The following DNAH7 variants were observed in gnomAD, a reference collection of about 807,000 sequenced individuals.
The protein encoded by DNAH7 is dynein axonemal heavy chain 7, also known as axonemal beta dynein heavy chain 7.
A neutral mutation model predicts 444.6 loss-of-function variants in DNAH7; 397 were observed. The observed-to-expected ratio is 0.89, with a 90% CI of 0.82 to 0.97. The LOEUF (loss-of-function observed/expected upper bound fraction) is 0.97. Among genes scored for constraint, DNAH7 ranks in the 50% least tolerant of loss-of-function variants. The probability of loss-of-function intolerance (pLI) is 0.00; values close to 1 mark genes in which losing one functional copy is unlikely to be tolerated. For missense variants in DNAH7, 4,902 were observed against 4,800.8 expected (o/e 1.02, Z -0.62); for synonymous variants, 1,636 against 1,624.4 (o/e 1.01, Z -0.17).
intron 12 of DNAH7, among the ~76,000 whole-genome samples, chr2:195,998,380 C>G (rs1001682677): frequency 6.6e-6 from 1 of 152,072 alleles, no homozygotes; most frequent in Non-Finnish European, 1.5e-5. Flanking sequence ...TCGAGACCAT[C>G]TTGGCTAAGA....
intron 5 of DNAH7, among the ~76,000 whole-genome samples, chr2:196,039,090 A>C (rs895804637): frequency 4.6e-5 from 7 of 152,206 alleles, no homozygotes; most frequent in Non-Finnish European, 7.4e-5. Context: ...TCTTCTCATC[A>C]GTGCATGGAA....
intron 24 of DNAH7, among the ~76,000 whole-genome samples, chr2:195,914,902 T>G (rs1194395059): frequency 6.6e-6 from 1 of 152,198 alleles, no homozygotes. Context: ...CCTCAGGTGA[T>G]CCACCCGCCT....
chr2:195,779,516 A>G (rs1695270226), intron 58 of DNAH7, among the ~76,000 whole-genome samples: 1 of 152,238 alleles, frequency 6.6e-6, no homozygotes, highest in Admixed American at 6.5e-5. Context: ...AACAATAGTG[A>G]GGTCCACAAT....
At chr2:195,770,207 T>A (rs1464940111) in intron 61 of DNAH7, among the ~76,000 whole-genome samples, 1 of 152,186 alleles carries the variant, frequency 6.6e-6, no homozygotes, top group Non-Finnish European at 1.5e-5. Flanking sequence ...CTCAATCATA[T>A]CATTGGTCTC....
chr2:195,993,545 T>G (rs960942844), intron 12 of DNAH7, among the ~76,000 whole-genome samples: 1 of 151,986 alleles, frequency 6.6e-6, no homozygotes, highest in Non-Finnish European at 1.5e-5. Flanking sequence ...GATAGAAAAA[T>G]CCACAACAGC....
chr2:195,834,788 T>C (rs1325270085), intron 47 of DNAH7, among the ~76,000 whole-genome samples: 1 of 152,214 alleles, frequency 6.6e-6, no homozygotes, highest in Non-Finnish European at 1.5e-5. Flanking sequence ...CCACCTGCTG[T>C]CATTTGTATA....
intron 36 of DNAH7, among the ~76,000 whole-genome samples, chr2:195,877,645 A>C (rs1178457448): frequency 6.6e-6 from 1 of 152,220 alleles, no homozygotes; most frequent in Non-Finnish European, 1.5e-5. Flanking sequence ...AAAAGGACTT[A>C]TGATGTTCTC....
intron 58 of DNAH7, among the ~76,000 whole-genome samples, chr2:195,781,093 C>T (rs1388283188): frequency 6.6e-6 from 1 of 151,756 alleles, no homozygotes; most frequent in African/African-American, 2.4e-5. Flanking sequence ...AAAAACAAAT[C>T]AAATCAGGAA....
At chr2:195,868,093 T>TC (rs1395078725) in intron 40 of DNAH7, among the ~76,000 whole-genome samples, 32 of 138,442 alleles carry the variant, frequency 2.3e-4, no homozygotes, top group African/African-American at 7.6e-4. Context: ...ATTCATCTTT[T>TC]TTTTTTTTTT....
intron 3 of DNAH7, among the ~76,000 whole-genome samples, chr2:196,050,064 TA>T (rs1697371591): frequency 2.0e-5 from 3 of 152,242 alleles, no homozygotes; most frequent in African/African-American, 2.4e-5. Flanking sequence ...CTAACAATGT[TA>T]GTTCAAGTTT....
At chr2:195,928,474 A>G (rs1688483124) in intron 21 of DNAH7, among the ~76,000 whole-genome samples, 1 of 152,198 alleles carries the variant, frequency 6.6e-6, no homozygotes. Flanking sequence ...GAGTGGCCAA[A>G]GTGGAATATA....
chr2:196,002,729 T>A (rs1694116886), intron 10 of DNAH7, among the ~76,000 whole-genome samples: 1 of 152,138 alleles, frequency 6.6e-6, no homozygotes, highest in Admixed American at 6.6e-5. Context: ...TGGTATCGGC[T>A]GGGTGCAGTG....
At chr2:195,948,082 T>C (rs1689942842) in intron 19 of DNAH7, among the ~76,000 whole-genome samples, 1 of 152,214 alleles carries the variant, frequency 6.6e-6, no homozygotes, top group Non-Finnish European at 1.5e-5. Flanking sequence ...GTTGGCCACA[T>C]AAATGTCTTC....
At chr2:195,982,691 A>G (rs917641477) in intron 15 of DNAH7, among the ~76,000 whole-genome samples, 1 of 152,214 alleles carries the variant, frequency 6.6e-6, no homozygotes, top group Non-Finnish European at 1.5e-5. Context: ...GATGGAACTG[A>G]AGGTCATTAT....
At chr2:196,005,715 A>G (rs1694333695) in intron 10 of DNAH7, among the ~76,000 whole-genome samples, 1 of 152,186 alleles carries the variant, frequency 6.6e-6, no homozygotes, top group Admixed American at 6.5e-5. Context: ...TCAAATTAAT[A>G]TTAATAATTT....
At chr2:195,932,699 C>T (rs1035953798) in intron 21 of DNAH7, among the ~76,000 whole-genome samples, 1 of 152,076 alleles carries the variant, frequency 6.6e-6, no homozygotes, top group Non-Finnish European at 1.5e-5. Context: ...GTCGTTGGTT[C>T]TGTTTATATG....
intron 24 of DNAH7, 36 bp from the exon 25 acceptor site, chr2:195,910,231 A>T: frequency 6.8e-7 from 1 of 1,477,156 alleles, no homozygotes; most frequent in Non-Finnish European, 9.0e-7. Context: ...TTGTAGAATA[A>T]TGTGATTTTT....
intron 15 of DNAH7, among the ~76,000 whole-genome samples, chr2:195,981,807 A>G (rs1692592661): frequency 6.6e-6 from 1 of 152,228 alleles, no homozygotes; most frequent in African/African-American, 2.4e-5. Context: ...ATATACAAAA[A>G]TCAAATCAAA....
chr2:196,034,781 T>C (rs1696279660), intron 5 of DNAH7, among the ~76,000 whole-genome samples: 1 of 152,222 alleles, frequency 6.6e-6, no homozygotes, highest in South Asian at 2.1e-4. Context: ...TTGAAACATT[T>C]GAACATTTAT....
Sources: gnomAD v4.1 joint callset for allele counts (sites outside exome capture counted in the v4.1 genomes callset) on GRCh38, gnomAD v4.1.1 for gene constraint, MANE v1.5 for transcripts, NCBI Gene and HGNC (gene_info 2026-07-23, HGNC 2026-07-21) for gene names.